The following SLC25A21 variants were observed in gnomAD, a reference collection of about 807,000 sequenced individuals.
SLC25A21 encodes the protein mitochondrial 2-oxodicarboxylate carrier.
SLC25A21 carries 47 observed loss-of-function variants against 43.8 expected under a neutral mutation model. The ratio of observed to expected loss-of-function variants is 1.07; its 90% CI spans 0.85 to 1.37. SLC25A21 has a LOEUF of 1.37. Among genes scored for constraint, SLC25A21 ranks in the 40% most tolerant of loss-of-function variants. The pLI is 0.00. For synonymous variants in SLC25A21, 131 were observed against 121.3 expected (o/e 1.08, Z -0.52); for missense variants, 352 against 350.2 (o/e 1.00, Z -0.04).
At chr14:36,938,954 T>TCTCAG (rs935000564) in intron 1 of SLC25A21, among the ~76,000 whole-genome samples, 1 of 152,214 alleles carries the variant, frequency 6.6e-6, no homozygotes, top group African/African-American at 2.4e-5. Flanking sequence ...TGTTCACTAC[T>TCTCAG]CTCAGCTTGT....
chr14:36,875,003 A>G lies in SLC25A21; in HGVS notation c.72T>C (p.Gly24=), dbSNP rs1566697836. ...GGTGCATCAGGCAAATTTCTACAAG[A>G]CCTGAAAGATGATAAAGAAAATCCA... ...SRQIVAGGSA[G]LVEICLMHPL... is the part of the protein sequence containing the mutation. The change falls in exon 2 of 10, where the codon GGT becomes GGC. Residue 24 remains glycine (G), a splice_region_variant and synonymous_variant. Coordinates refer to ENST00000331299, the MANE Select transcript of SLC25A21 (RefSeq NM_030631.4). 1 of 1,566,856 alleles carries G rather than the reference A, an allele frequency of 6.4e-7. No homozygotes were observed. Among genetic ancestry groups the G allele is most frequent in the Non-Finnish European group, 8.6e-7 (1 of 1,160,282 alleles).
intron 1 of SLC25A21, among the ~76,000 whole-genome samples, chr14:37,136,296 A>G (rs1963478483): frequency 6.6e-6 from 1 of 152,220 alleles, no homozygotes; most frequent in Non-Finnish European, 1.5e-5. Flanking sequence ...CAAATCAAAA[A>G]GAAGAAACAG....
chr14:36,711,255 C>A, intron 7 of SLC25A21, 63 bp downstream of exon 7: 1 of 1,476,258 alleles, frequency 6.8e-7, no homozygotes, highest in Non-Finnish European at 9.4e-7. Flanking sequence ...AAACATTCTA[C>A]AAACGGAGCT....
At chr14:36,691,604 T>C (rs920255559) in intron 7 of SLC25A21, among the ~76,000 whole-genome samples, 12 of 152,202 alleles carry the variant, frequency 7.9e-5, no homozygotes, top group African/African-American at 2.9e-4. Flanking sequence ...AAAACTGTTA[T>C]TGACTTTGAG....
intron 1 of SLC25A21, among the ~76,000 whole-genome samples, chr14:37,106,431 C>G (rs1962914511): frequency 6.6e-6 from 1 of 152,064 alleles, no homozygotes; most frequent in African/African-American, 2.4e-5. Context: ...GAGATAAGGA[C>G]TGAGATATAC....
intron 1 of SLC25A21, among the ~76,000 whole-genome samples, chr14:37,099,033 C>T (rs544940244): frequency 1.9e-4 from 29 of 152,094 alleles, no homozygotes; most frequent in Admixed American, 9.8e-4. Flanking sequence ...GAACCCCCGA[C>T]CTCAAGTGAT....
chr14:36,732,342 A>G (rs1327086913), intron 4 of SLC25A21, among the ~76,000 whole-genome samples: 1 of 152,066 alleles, frequency 6.6e-6, no homozygotes, highest in African/African-American at 2.4e-5. Context: ...GAGAAACTGC[A>G]CATGGGAAAA....
intron 1 of SLC25A21, among the ~76,000 whole-genome samples, chr14:37,120,919 T>C (rs1237383797): frequency 1.3e-5 from 2 of 152,138 alleles, no homozygotes; most frequent in African/African-American, 4.8e-5. Context: ...TTTCCTCTTA[T>C]AAGGGGAAAA....
At position 36,874,950 on chromosome 14, in the gene SLC25A21, C is replaced by T. The variant is rs756523899; in HGVS notation, c.119+6G>A. The T allele has an allele frequency of 1.2e-6, 2 of 1,608,900 alleles. No individual in the cohort carries two copies. Among genetic ancestry groups the T allele is most frequent in the Admixed American group, 1.7e-5 (1 of 59,452 alleles). On this transcript the variant is annotated splice_donor_region_variant and intron_variant, in intron 2 of 9. Coordinates refer to ENST00000331299, the MANE Select transcript of SLC25A21 (RefSeq NM_030631.4). ...GTCAATAAAACTTGTTCATGCAGAA[C>T]CTTACCTGGTTTTCACCACATCTAG... is the stretch of plus-strand genomic sequence containing the variant.
chr14:36,950,019 A>G (rs1171224297), intron 1 of SLC25A21, among the ~76,000 whole-genome samples: 1 of 152,210 alleles, frequency 6.6e-6, no homozygotes, highest in African/African-American at 2.4e-5. Flanking sequence ...TGACTCTCCA[A>G]GAAGGGGATG....
chr14:36,830,242 C>A (rs974131184), intron 2 of SLC25A21, among the ~76,000 whole-genome samples: 43 of 152,246 alleles, frequency 2.8e-4, no homozygotes, highest in African/African-American at 9.4e-4. Flanking sequence ...TTTTGAAGAT[C>A]GTTCATATTT....
At chr14:37,132,481 A>C (rs1963407569) in intron 1 of SLC25A21, among the ~76,000 whole-genome samples, 1 of 152,206 alleles carries the variant, frequency 6.6e-6, no homozygotes. Context: ...TGATAGACAC[A>C]GATGAGGTAA....
intron 1 of SLC25A21, among the ~76,000 whole-genome samples, chr14:36,964,559 C>T (rs1959569822): frequency 6.6e-6 from 1 of 152,160 alleles, no homozygotes; most frequent in African/African-American, 2.4e-5. Flanking sequence ...GAAGAATAAT[C>T]CTGGGAATAA....
rs76778101 is a variant in SLC25A21 at position 36,767,790 on chromosome 14, A to C, written c.204-33217T>G. On this transcript the variant is annotated intron_variant, in intron 3 of 9. Transcript: ENST00000331299. ...CTGTTTAGCTGACACATGACACCCA[A>C]ACGGATTTCTAGCCCAGCAATTCAG... Among the ~76,000 whole-genome samples the C allele has an allele frequency of 7.9e-3, 1,202 of 152,308 alleles. 18 individuals carry two copies. The highest frequency in any genetic ancestry group is 0.027 in the African/African-American group (1,121 of 41,570).
At chr14:37,080,690 T>C (rs1395811020) in intron 1 of SLC25A21, among the ~76,000 whole-genome samples, 1 of 152,218 alleles carries the variant, frequency 6.6e-6, no homozygotes, top group Non-Finnish European at 1.5e-5. Flanking sequence ...TTTATTTGTA[T>C]ATGTCTTCTT....
intron 1 of SLC25A21, among the ~76,000 whole-genome samples, chr14:37,085,020 T>G (rs1240973164): frequency 1.3e-5 from 2 of 152,198 alleles, no homozygotes; most frequent in Non-Finnish European, 1.5e-5. Flanking sequence ...ATTGTCTGGT[T>G]TTTTTTAACT....
intron 3 of SLC25A21, among the ~76,000 whole-genome samples, chr14:36,754,123 T>C (rs1470902359): frequency 6.6e-6 from 1 of 152,200 alleles, no homozygotes; most frequent in Non-Finnish European, 1.5e-5. Context: ...CAAACGTTAT[T>C]CTGAGTGTTT....
intron 2 of SLC25A21, among the ~76,000 whole-genome samples, chr14:36,817,403 T>G (rs559743859): frequency 6.6e-6 from 1 of 152,034 alleles, no homozygotes; most frequent in South Asian, 2.1e-4. Flanking sequence ...GCATTTCAGG[T>G]GGGGAGATGA....
At chr14:37,016,452 A>G (rs962721799) in intron 1 of SLC25A21, among the ~76,000 whole-genome samples, 1 of 152,128 alleles carries the variant, frequency 6.6e-6, no homozygotes, top group African/African-American at 2.4e-5. Flanking sequence ...GTAGCCTTGT[A>G]GCATAGTTTG....
Sources: gnomAD v4.1 joint callset for allele counts (sites outside exome capture counted in the v4.1 genomes callset) on GRCh38, gnomAD v4.1.1 for gene constraint, MANE v1.5 for transcripts, NCBI Gene and HGNC (gene_info 2026-07-23, HGNC 2026-07-21) for gene names.